Variants in COL23A1 observed in about 807,000 individuals in gnomAD.
The protein encoded by COL23A1 is collagen type XXIII alpha 1 chain.
COL23A1 carries 97 observed loss-of-function variants against 99.3 expected under a neutral mutation model. The observed-to-expected ratio is 0.98, with a 90% CI of 0.83 to 1.16. The LOEUF (loss-of-function observed/expected upper bound fraction) is 1.16. Ranked by LOEUF, COL23A1 falls within the 50% of genes most tolerant of loss-of-function variation. COL23A1 has a pLI of 0.00. For missense variants in COL23A1, 762 were observed against 757.4 expected, an observed-to-expected ratio of 1.01 and a Z score of -0.07; for synonymous variants, 320 against 308.2, an observed-to-expected ratio of 1.04 and a Z score of -0.40.
intron 1 of COL23A1, among the ~76,000 whole-genome samples, chr5:178,570,956 A>C (rs942050277): frequency 2.0e-5 from 3 of 152,100 alleles, no homozygotes; most frequent in Admixed American, 1.3e-4. Flanking sequence ...AGGTCAGGGA[A>C]CGAACCACCG....
At chr5:178,517,573 T>TTTTTTTTTTG (rs1759604402) in intron 2 of COL23A1, among the ~76,000 whole-genome samples, 1 of 137,914 alleles carries the variant, frequency 7.3e-6, no homozygotes, top group South Asian at 2.6e-4. Flanking sequence ...TTTTTGTTTT[T>TTTTTTTTTTG]TTTTTTGAGA....
chr5:178,485,180 A>G (rs548505116), intron 2 of COL23A1, among the ~76,000 whole-genome samples: 3 of 152,318 alleles, frequency 2.0e-5, no homozygotes, highest in South Asian at 4.2e-4. Context: ...TTGTAAAGAA[A>G]TGTCAGGATA....
intron 2 of COL23A1, among the ~76,000 whole-genome samples, chr5:178,495,746 G>C (rs1422284152): frequency 6.6e-6 from 1 of 152,122 alleles, no homozygotes; most frequent in Non-Finnish European, 1.5e-5. Flanking sequence ...CTGAGCTAGA[G>C]AGGCTCAGGA....
rs1756841651 is a variant in COL23A1 at position 178,280,550 on chromosome 5, T to C, written c.441+7774A>G. 6.6e-6 allele frequency among the ~76,000 whole-genome samples: 1 copy of C among 152,084 alleles called. No individual in the cohort carries two copies. The highest frequency in any genetic ancestry group is 2.1e-4 in the South Asian group (1 of 4,828). On this transcript the variant is annotated intron_variant, in intron 5 of 28. Transcript: ENST00000390654. This position sits in a 1 kb window ranked among gnomAD's most constrained non-coding sequence, Gnocchi z 4.9. ...GGCAGCTTCATACCAAAATCACTGC[T>C]TTCTCTTTAGTCTATTTGCTTCGAA...
chr5:178,387,392 C>T lies in COL23A1; in HGVS notation c.362-80473G>A, dbSNP rs1012345727. Among the ~76,000 whole-genome samples the T allele has an allele frequency of 1.3e-5, 2 of 152,180 alleles. No individual in the cohort carries two copies. The highest frequency in any genetic ancestry group is 2.9e-5 in the Non-Finnish European group (2 of 68,036). On this transcript the variant is annotated intron_variant, in intron 2 of 28. Transcript: ENST00000390654. The surrounding 1 kb of genome is among the most constrained non-coding windows in gnomAD (Gnocchi z 4.7). ...GACACTGCTGGGTCAAGCCTCAGTGCGTTTGCCCAGGTGGGTCCCTCCACA... is the reference window on the plus strand; with the variant it reads ...GACACTGCTGGGTCAAGCCTCAGTGTGTTTGCCCAGGTGGGTCCCTCCACA...
In COL23A1 at chr5:178,280,903, C is replaced by T. The variant is rs1756862581; in HGVS notation, c.441+7421G>A. ...CGAGGGCGGAGCAGCAGCTCGGGCC[C>T]CACTGACCTGGGGTGGCCGCCTCCT... is the stretch of plus-strand genomic sequence containing the variant. On this transcript the variant is annotated intron_variant, in intron 5 of 28. Transcript: ENST00000390654. This position sits in a 1 kb window ranked among gnomAD's most constrained non-coding sequence, Gnocchi z 4.9. 6.6e-6 allele frequency among the ~76,000 whole-genome samples: 1 copy of T among 152,176 alleles called. No individual in the cohort carries two copies. The highest frequency in any genetic ancestry group is 2.4e-5 in the African/African-American group (1 of 41,446).
chr5:178,358,421 G>GTGTA lies in COL23A1; in HGVS notation c.362-51503_362-51502insTACA, dbSNP rs1412806127. Among the ~76,000 whole-genome samples the GTGTA allele has an allele frequency of 4.1e-5, 6 of 145,938 alleles. No individual in the cohort carries two copies. The East Asian group carries it at 8.2e-4, about 20-fold the overall frequency. ...TATGTGTATGTGTGTATGTGTATGTGTGTGTATGTGTATGTGTGTATGTGT... is the reference window on the plus strand; with the variant it reads ...TATGTGTATGTGTGTATGTGTATGTGTGTATGTGTATGTGTATGTGTGTATGTGT... On this transcript the variant is annotated intron_variant, in intron 2 of 28. Coordinates refer to ENST00000390654, the MANE Select transcript of COL23A1 (RefSeq NM_173465.4).
intron 2 of COL23A1, among the ~76,000 whole-genome samples, chr5:178,510,312 CG>C (rs1440481532): frequency 6.6e-6 from 1 of 152,154 alleles, no homozygotes; most frequent in Non-Finnish European, 1.5e-5. Context: ...GAGGCCGAGG[CG>C]GGCGGATCAC....
In COL23A1 at chr5:178,258,309, G is replaced by A. The variant is rs936856604; in HGVS notation, c.730-742C>T. Among the ~76,000 whole-genome samples, 10 of 144,688 alleles carry A rather than the reference G, an allele frequency of 6.9e-5. No individual in the cohort carries two copies. In the East Asian group the frequency reaches 1.8e-3, roughly 26 times the overall value. 94.9% of individuals were successfully genotyped at this position (144,688 alleles called of 152,430 possible). Reference sequence around the variant, plus strand: ...GCACCATGTCAGGAAGTGGAGAAGAGAAGAGGATGGCCTGGTGGTGAGGGA... The same window carrying A: ...GCACCATGTCAGGAAGTGGAGAAGAAAAGAGGATGGCCTGGTGGTGAGGGA... On this transcript the variant is annotated intron_variant, in intron 12 of 28. Transcript: ENST00000390654.
chr5:178,478,511 T>C (rs1290238192), intron 2 of COL23A1, among the ~76,000 whole-genome samples: 2 of 152,148 alleles, frequency 1.3e-5, no homozygotes, highest in Admixed American at 6.5e-5. Flanking sequence ...AAGTTGTGCT[T>C]TCCATCCAGT....
chr5:178,348,212 T>C (rs565720538), intron 2 of COL23A1, among the ~76,000 whole-genome samples: 4 of 152,216 alleles, frequency 2.6e-5, no homozygotes, highest in Admixed American at 2.6e-4. Context: ...TTGGGCGGGC[T>C]CTTCCCAGCA....
chr5:178,437,071 C>T (rs1276202245), intron 2 of COL23A1, among the ~76,000 whole-genome samples: 1 of 152,076 alleles, frequency 6.6e-6, no homozygotes, highest in Non-Finnish European at 1.5e-5. Flanking sequence ...TTCTTAATAC[C>T]CTGCCCTCCA....
chr5:178,470,280 G>C (rs1229429938), intron 2 of COL23A1, among the ~76,000 whole-genome samples: 1 of 152,198 alleles, frequency 6.6e-6, no homozygotes, highest in Non-Finnish European at 1.5e-5. Flanking sequence ...GTGAGCTCTT[G>C]ACTCCACCTG....
intron 18 of COL23A1, 59 bp from the exon 19 acceptor site, chr5:178,249,265 C>T (rs995828216): frequency 2.0e-6 from 3 of 1,516,880 alleles, no homozygotes; most frequent in South Asian, 1.1e-5. Flanking sequence ...CCTTCTCCCC[C>T]CAGCAGGTCC....
chr5:178,506,085 G>A (rs1302585151), intron 2 of COL23A1, among the ~76,000 whole-genome samples: 6 of 152,210 alleles, frequency 3.9e-5, no homozygotes, highest in East Asian at 1.9e-4. Context: ...GTGGTAGGCC[G>A]GGTCTGCTGA....
At chr5:178,562,047 G>C (rs1762588049) in intron 1 of COL23A1, 1 of 531,714 alleles carries the variant, frequency 1.9e-6, no homozygotes, top group Admixed American at 2.3e-5. Flanking sequence ...TGTGTCTGGA[G>C]TTGGTTCCTG....
chr5:178,249,716 A>ACACACACACACACTCACTCTCTCT, intron 18 of COL23A1, among the ~76,000 whole-genome samples: 28 of 92,800 alleles, frequency 3.0e-4, no homozygotes, highest in Non-Finnish European at 5.0e-4. Context: ...ACACACACAC[A>ACACACACACACACTCACTCTCTCT]CTCTCTCTCT....
intron 2 of COL23A1, among the ~76,000 whole-genome samples, chr5:178,515,174 G>A (rs1759435265): frequency 6.6e-6 from 1 of 152,206 alleles, no homozygotes; most frequent in African/African-American, 2.4e-5. Flanking sequence ...GCCCTCCTGG[G>A]GACATCTGCT....
chr5:178,288,796 C>T (rs976066478), intron 4 of COL23A1, among the ~76,000 whole-genome samples: 3 of 151,990 alleles, frequency 2.0e-5, no homozygotes, highest in Non-Finnish European at 4.4e-5. Context: ...CCAGGAATAT[C>T]GGGGGGCGTT....
Sources: allele counts gnomAD v4.1 joint callset (sites outside exome capture counted in the v4.1 genomes callset), GRCh38; gene constraint gnomAD v4.1.1; non-coding constraint Gnocchi (gnomAD v3.1); transcripts MANE v1.5; gene names NCBI Gene and HGNC (gene_info 2026-07-23, HGNC 2026-07-21).